The following TENM4 variants were observed in gnomAD, a reference collection of about 807,000 sequenced individuals.
The protein encoded by TENM4 is teneurin-4.
Under a neutral mutation model 243.3 loss-of-function variants are expected in TENM4, and 82 were observed. That is an observed-to-expected ratio of 0.34 (90% CI 0.28 to 0.40). The LOEUF is 0.40. Ranked by LOEUF, TENM4 falls within the 10% of genes least tolerant of loss-of-function variation. TENM4 has a pLI of 1.00. For synonymous variants in TENM4, 1,412 were observed against 1,456.3 expected, an observed-to-expected ratio of 0.97 and a Z score of 0.69; for missense variants, 3,138 against 3,673.3, an observed-to-expected ratio of 0.85 and a Z score of 3.77.
At position 79,022,752 on chromosome 11, in the gene TENM4, T is replaced by A. The variant is rs549328916; in HGVS notation, c.493+41986A>T. ...AATGAAGAGATGGTGATGATGATGA[T>A]GGATGAAGATTGTGGTGATAAGCAT... On this transcript the variant is annotated intron_variant, in intron 6 of 33. Coordinates refer to ENST00000278550, the MANE Select transcript of TENM4 (RefSeq NM_001098816.3). Among the ~76,000 whole-genome samples, 3 of 152,294 alleles carry A rather than the reference T, an allele frequency of 2.0e-5. No homozygotes were observed. In the South Asian group the frequency reaches 6.2e-4, roughly 32 times the overall value.
At chr11:78,830,778 A>G (rs1323001972) in intron 12 of TENM4, among the ~76,000 whole-genome samples, 1 of 152,130 alleles carries the variant, frequency 6.6e-6, no homozygotes, top group African/African-American at 2.4e-5. Context: ...TAAGAGAGAG[A>G]CTCCGGGCAG....
At chr11:79,244,197 G>C (rs1228077028) in intron 2 of TENM4, among the ~76,000 whole-genome samples, 1 of 152,210 alleles carries the variant, frequency 6.6e-6, no homozygotes, top group Non-Finnish European at 1.5e-5. Context: ...TCCCAGGTGA[G>C]GCTAATGCTC....
At chr11:79,029,999 A>T (rs1275269844) in intron 6 of TENM4, among the ~76,000 whole-genome samples, 1 of 152,124 alleles carries the variant, frequency 6.6e-6, no homozygotes, top group Non-Finnish European at 1.5e-5. Flanking sequence ...CCTTGAAAGG[A>T]TCTAGGGAAA....
intron 17 of TENM4, among the ~76,000 whole-genome samples, chr11:78,774,030 C>A (rs774557277): frequency 6.6e-6 from 1 of 152,168 alleles, no homozygotes; most frequent in Non-Finnish European, 1.5e-5. Context: ...AATCCTAGCA[C>A]CATCATTTTA....
intron 4 of TENM4, among the ~76,000 whole-genome samples, chr11:79,087,875 A>G (rs960055066): frequency 6.6e-6 from 1 of 152,198 alleles, no homozygotes; most frequent in Non-Finnish European, 1.5e-5. Context: ...CAGGCTGCAC[A>G]CGCACTACAG....
intron 6 of TENM4, among the ~76,000 whole-genome samples, chr11:78,915,926 G>A (rs1307981281): frequency 1.3e-5 from 2 of 152,198 alleles, no homozygotes; most frequent in East Asian, 3.9e-4. Context: ...AAAGGGACAG[G>A]TTGGCTAAAA....
intron 19 of TENM4, among the ~76,000 whole-genome samples, chr11:78,739,621 G>A (rs1855876272): frequency 6.6e-6 from 1 of 152,044 alleles, no homozygotes; most frequent in South Asian, 2.1e-4. Context: ...CATCTAGAAT[G>A]GTGGCTTTTT....
chr11:79,250,431 G>A (rs1404576849), intron 2 of TENM4, among the ~76,000 whole-genome samples: 4 of 152,240 alleles, frequency 2.6e-5, no homozygotes, highest in African/African-American at 9.6e-5. Context: ...CACACATCTA[G>A]TGACTTTGAA....
At chr11:78,761,430 AG>A (rs1186782364) in intron 18 of TENM4, among the ~76,000 whole-genome samples, 1 of 151,922 alleles carries the variant, frequency 6.6e-6, no homozygotes, top group Non-Finnish European at 1.5e-5. Flanking sequence ...TAGTAGAGAC[AG>A]GGTTTCACCG....
At chr11:79,022,187 A>G (rs79988083) in intron 6 of TENM4, among the ~76,000 whole-genome samples, 3,966 of 152,266 alleles carry the variant, frequency 0.026, 119 homozygotes, top group East Asian at 0.075. Context: ...CACTCTTCAC[A>G]TATATGAATT....
intron 6 of TENM4, among the ~76,000 whole-genome samples, chr11:79,015,704 T>C (rs1250150552): frequency 1.3e-5 from 2 of 152,208 alleles, no homozygotes; most frequent in African/African-American, 2.4e-5. Flanking sequence ...CTACGCTTAC[T>C]GCTGGAGGTA....
rs571774239 is a variant in TENM4, at chr11:78,670,211, T to C, written c.6134A>G (p.Asn2045Ser). Residue 2045 changes from asparagine (N) to serine (S), a missense_variant, in exon 32 of 34, where the codon AAC (asparagine) becomes AGC (serine). By Grantham distance (46) the Asn-to-Ser change is conservative. Around this residue, in one of 2 missense-constraint regions of TENM4, gnomAD observed 2,467 missense variants for 3,059.1 expected, o/e 0.81. Transcript: ENST00000278550. ...GCAGGTGAAGCCCTCATTCTGTAGG[T>C]TGATGGTCTTCAGCATGCCTGCCGT... ...DETAGMLKTI[N>S]LQNEGFTCTI... 5 of 1,613,870 alleles carry C rather than the reference T, an allele frequency of 3.1e-6. No homozygotes were observed. The highest frequency in any genetic ancestry group is 2.7e-5 in the African/African-American group (2 of 75,002).
intron 18 of TENM4, among the ~76,000 whole-genome samples, chr11:78,765,459 C>T (rs1856522765): frequency 6.6e-6 from 1 of 152,142 alleles, no homozygotes; most frequent in Non-Finnish European, 1.5e-5. Context: ...CTCAGTTTTC[C>T]TGAAATTTCT....
intron 6 of TENM4, among the ~76,000 whole-genome samples, chr11:78,916,015 C>G (rs1319517496): frequency 1.3e-5 from 2 of 152,212 alleles, no homozygotes; most frequent in South Asian, 2.1e-4. Flanking sequence ...GGGATCAAAT[C>G]TCACCTGCCC....
intron 2 of TENM4, among the ~76,000 whole-genome samples, chr11:79,256,002 G>A (rs927182608): frequency 1.3e-5 from 2 of 152,162 alleles, no homozygotes; most frequent in East Asian, 3.9e-4. Flanking sequence ...GATATCAATG[G>A]AATTCTTTTC....
At chr11:79,048,412 G>A (rs534147782) in intron 6 of TENM4, among the ~76,000 whole-genome samples, 13 of 152,140 alleles carry the variant, frequency 8.5e-5, no homozygotes, top group Admixed American at 5.9e-4. Flanking sequence ...AAGATACCCC[G>A]GCAGAAGATT....
chr11:78,801,675 G>A (rs530208329), intron 15 of TENM4, among the ~76,000 whole-genome samples: 1 of 152,200 alleles, frequency 6.6e-6, no homozygotes, highest in Non-Finnish European at 1.5e-5. Context: ...ACTCATCTCA[G>A]GGAATAGACA....
intron 1 of TENM4, among the ~76,000 whole-genome samples, chr11:79,339,826 G>A (rs1857212957): frequency 6.6e-6 from 1 of 152,156 alleles, no homozygotes; most frequent in Non-Finnish European, 1.5e-5. Flanking sequence ...TAAAGAATGA[G>A]AATAAATCAG....
In TENM4 at chr11:79,069,930, C is replaced by G. The variant is rs1860367093; in HGVS notation, c.15G>C (p.Glu5Asp). The G allele has an allele frequency of 6.5e-7, 1 of 1,546,486 alleles. No individual in the cohort carries two copies. The highest frequency in any genetic ancestry group is 2.4e-5 in the East Asian group (1 of 40,900). Residue 5 changes from glutamate (E) to aspartate (D), a missense_variant, in exon 5 of 34, where the codon GAG (glutamate) becomes GAC (aspartate). Transcript: ENST00000278550. MDVK[E>D]RKPYRSLTRR... ...GGGTCAGCGAGCGGTAAGGCTTCCT[C>G]TCCTTCACGTCCATGGCCTCCGGCC...
Sources: allele counts gnomAD v4.1 joint callset (sites outside exome capture counted in the v4.1 genomes callset), GRCh38; gene constraint gnomAD v4.1.1; regional missense constraint gnomAD v4.1.1; transcripts MANE v1.5; gene names NCBI Gene and HGNC (gene_info 2026-07-23, HGNC 2026-07-21).